Variants in IFTAP observed in about 807,000 individuals in gnomAD.
IFTAP encodes the protein intraflagellar transport associated protein.
A neutral mutation model predicts 19.4 loss-of-function variants in IFTAP; 19 were observed. The ratio of observed to expected loss-of-function variants is 0.98; its 90% confidence interval spans 0.68 to 1.44. The LOEUF is 1.44. Ranked by LOEUF, IFTAP falls within the 40% of genes most tolerant of loss-of-function variation. The pLI is 0.00. For missense variants in IFTAP, 240 were observed against 253.6 expected, an observed-to-expected ratio of 0.95 and a Z score of 0.36; for synonymous variants, 85 against 83.5, an observed-to-expected ratio of 1.02 and a Z score of -0.10.
intron 2 of IFTAP, among the ~76,000 whole-genome samples, chr11:36,630,073 G>T (rs1035314704): frequency 1.3e-5 from 2 of 151,156 alleles, no homozygotes; most frequent in Middle Eastern, 3.2e-3. Context: ...AAGATGAGAC[G>T]AACCCTTGGG....
intron 4 of IFTAP, among the ~76,000 whole-genome samples, chr11:36,646,422 G>A (rs989077296): frequency 6.6e-6 from 1 of 152,118 alleles, no homozygotes; most frequent in Non-Finnish European, 1.5e-5. Context: ...GTTTGGCTTT[G>A]AACTCATAAA....
chr11:36,608,099 A>G (rs867151599), intron 1 of IFTAP, among the ~76,000 whole-genome samples: 15 of 152,342 alleles, frequency 9.8e-5, no homozygotes, highest in Middle Eastern at 3.4e-3. Context: ...TGATATGTCT[A>G]TGATAACTTA....
chr11:36,632,782 C>G (rs1383695892), intron 2 of IFTAP, among the ~76,000 whole-genome samples: 2 of 151,094 alleles, frequency 1.3e-5, no homozygotes, highest in African/African-American at 4.9e-5. Flanking sequence ...CAGTATGATT[C>G]CTTCTGGATT....
intron 5 of IFTAP, among the ~76,000 whole-genome samples, chr11:36,649,886 T>C (rs761188804): frequency 1.8e-4 from 28 of 152,078 alleles, no homozygotes; most frequent in Non-Finnish European, 4.0e-4. Context: ...CAATACAGGT[T>C]GAACATTCCT....
At chr11:36,598,940 A>G (rs532781577) in intron 1 of IFTAP, among the ~76,000 whole-genome samples, 1 of 152,306 alleles carries the variant, frequency 6.6e-6, no homozygotes, top group African/African-American at 2.4e-5. Context: ...TCAGCCAAGG[A>G]AGAGTTTAAT....
In IFTAP at chr11:36,636,222, C is replaced by T. The variant is rs182139856; in HGVS notation, c.358+105C>T. ...TTTGGCAATTCTTACCTCCACCTCT[C>T]CTAAGACAGGAAGAACTAAAGTTGT... On this transcript the variant is annotated intron_variant, in intron 4 of 5. Transcript: ENST00000334307. 2.2e-4 allele frequency: 174 copies of T among 804,110 alleles called. 1 individual carries two copies. In the Admixed American group the frequency reaches 4.5e-3, roughly 21 times the overall value. 49.8% of individuals were successfully genotyped at this position (804,110 alleles called of 1,614,324 possible).
intron 2 of IFTAP, among the ~76,000 whole-genome samples, chr11:36,619,849 GAAAAA>G (rs1227912029): frequency 6.6e-6 from 1 of 151,448 alleles, no homozygotes; most frequent in Non-Finnish European, 1.5e-5. Context: ...GCCACATTAA[GAAAAA>G]AAAGGCAACT....
chr11:36,608,183 A>G (rs1851760436), intron 1 of IFTAP, among the ~76,000 whole-genome samples: 1 of 152,242 alleles, frequency 6.6e-6, no homozygotes, highest in Non-Finnish European at 1.5e-5. Context: ...CTCTATAAAC[A>G]TTATAGGGAA....
chr11:36,616,572 T>G (rs1852099131), intron 2 of IFTAP, among the ~76,000 whole-genome samples: 1 of 152,038 alleles, frequency 6.6e-6, no homozygotes, highest in Non-Finnish European at 1.5e-5. Flanking sequence ...TCTCGGAGTT[T>G]CAACACCGTT....
chr11:36,631,644 C>T (rs931677382), intron 2 of IFTAP, among the ~76,000 whole-genome samples: 4 of 150,994 alleles, frequency 2.6e-5, no homozygotes, highest in East Asian at 1.9e-4. Context: ...CCTTCAGTTA[C>T]AGATGTTCCT....
intron 1 of IFTAP, among the ~76,000 whole-genome samples, chr11:36,601,275 C>T (rs964866041): frequency 1.3e-5 from 2 of 151,952 alleles, no homozygotes; most frequent in Middle Eastern, 3.2e-3. Flanking sequence ...ATGTTTGGCT[C>T]GTTGAATGAA....
At chr11:36,638,711 A>G (rs1413169867) in intron 4 of IFTAP, among the ~76,000 whole-genome samples, 2 of 152,186 alleles carry the variant, frequency 1.3e-5, no homozygotes, top group African/African-American at 4.8e-5. Flanking sequence ...GGCAGCTGGG[A>G]GGTTTACTGA....
chr11:36,624,750 G>A (rs903214655), intron 2 of IFTAP, among the ~76,000 whole-genome samples: 1 of 152,094 alleles, frequency 6.6e-6, no homozygotes, highest in African/African-American at 2.4e-5. Context: ...GTGTGGGGGG[G>A]TGTCATCCTG....
chr11:36,657,159 T>C lies in IFTAP; in HGVS notation c.499-1860T>C, dbSNP rs540219355. Among the ~76,000 whole-genome samples, 132 of 152,300 alleles carry C rather than the reference T, an allele frequency of 8.7e-4. 1 individual carries two copies. The highest frequency in any genetic ancestry group is 3.1e-3 in the African/African-American group (129 of 41,576). On this transcript the variant is annotated intron_variant, in intron 5 of 5. Transcript: ENST00000334307. ...TGGTGGAAACAGGTTCTCCTCCTTA[T>C]GTTTTGCCAGGATCAGCTAGAATCG...
At chr11:36,611,989 T>G (rs1342142021) in intron 2 of IFTAP, among the ~76,000 whole-genome samples, 2 of 152,128 alleles carry the variant, frequency 1.3e-5, no homozygotes, top group African/African-American at 2.4e-5. Flanking sequence ...AATGACATTT[T>G]GATAATTCAC....
intron 2 of IFTAP, among the ~76,000 whole-genome samples, chr11:36,631,141 C>A (rs1182843319): frequency 2.6e-5 from 4 of 151,480 alleles, no homozygotes; most frequent in Non-Finnish European, 5.9e-5. Context: ...CTTTGCTCAG[C>A]AACCCCCAGC....
At chr11:36,652,491 T>G (rs556646191) in intron 5 of IFTAP, among the ~76,000 whole-genome samples, 6 of 152,346 alleles carry the variant, frequency 3.9e-5, no homozygotes, top group Admixed American at 3.9e-4. Context: ...AATCATATCA[T>G]CTGCAAACAG....
chr11:36,630,077 C>T (rs1252771716), intron 2 of IFTAP, among the ~76,000 whole-genome samples: 2 of 151,098 alleles, frequency 1.3e-5, no homozygotes, highest in Non-Finnish European at 2.9e-5. Flanking sequence ...TGAGACGAAC[C>T]CTTGGGTGGC....
Position 36,603,587 on chromosome 11 carries a change from T to A in IFTAP, c.-23-6494T>A, listed in dbSNP as rs545181999. Among the ~76,000 whole-genome samples, 29 of 152,248 alleles carry A rather than the reference T, an allele frequency of 1.9e-4. No homozygotes were observed. In the South Asian group the frequency reaches 6.0e-3, roughly 32 times the overall value. ...GCATAAGTTTAGTATAACATAAAAA[T>A]CTGAGTTATTGCTATTACAGAAACA... On this transcript the variant is annotated intron_variant, in intron 1 of 5. Transcript: ENST00000334307.
Sources: gnomAD v4.1 joint callset for allele counts (sites outside exome capture counted in the v4.1 genomes callset) on GRCh38, gnomAD v4.1.1 for gene constraint, MANE v1.5 for transcripts, NCBI Gene and HGNC (gene_info 2026-07-23, HGNC 2026-07-21) for gene names.